The following KRT8 variants were observed in gnomAD, a reference collection of about 807,000 sequenced individuals.
KRT8 encodes keratin, type II cytoskeletal 8.
KRT8 carries 24 observed loss-of-function variants against 43.0 expected under a neutral mutation model. The ratio of observed to expected loss-of-function variants is 0.56; its 90% CI spans 0.40 to 0.78. The LOEUF (loss-of-function observed/expected upper bound fraction) is 0.78, where lower values mean the gene tolerates loss of function less well. Among genes scored for constraint, KRT8 ranks in the 30% least tolerant of loss-of-function variants. The pLI is 0.00. For missense variants in KRT8, 492 were observed against 638.4 expected (o/e 0.77, Z 2.47); for synonymous variants, 214 against 261.2 (o/e 0.82, Z 1.74).
upstream of KRT8, among the ~76,000 whole-genome samples, chr12:52,911,878 A>G (rs1358815243): frequency 6.6e-6 from 1 of 152,058 alleles, no homozygotes; most frequent in Admixed American, 6.6e-5. Context: ...CAAACAAAAA[A>G]ATTAGCCAAG....
At chr12:52,915,034 T>G (rs1211935336) in intron 2 of KRT8, among the ~76,000 whole-genome samples, 2 of 152,024 alleles carry the variant, frequency 1.3e-5, no homozygotes, top group Non-Finnish European at 2.9e-5. Flanking sequence ...CAAGACCCTG[T>G]GGAGGGGTGA....
At chr12:52,921,999 A>G (rs1049544669) in intron 2 of KRT8, among the ~76,000 whole-genome samples, 1 of 151,186 alleles carries the variant, frequency 6.6e-6, no homozygotes, top group South Asian at 2.1e-4. Context: ...GACCCTGTCT[A>G]TACCCCTCTC....
intron 2 of KRT8, among the ~76,000 whole-genome samples, chr12:52,946,442 C>T (rs971742731): frequency 6.6e-6 from 1 of 152,154 alleles, no homozygotes; most frequent in Non-Finnish European, 1.5e-5. Context: ...AATTTACACT[C>T]ACATTCACTG....
chr12:52,908,480 G>T (rs1379280045), upstream of KRT8, among the ~76,000 whole-genome samples: 5 of 152,180 alleles, frequency 3.3e-5, no homozygotes, highest in Non-Finnish European at 7.3e-5. Flanking sequence ...ACAATTAAAA[G>T]GAATGAACTA....
chr12:52,906,248 T>G (rs1941515460), upstream of KRT8, among the ~76,000 whole-genome samples: 2 of 150,838 alleles, frequency 1.3e-5, no homozygotes, highest in African/African-American at 4.9e-5. Context: ...ACGCAGGGGT[T>G]GGGGGGGGCA....
intron 2 of KRT8, among the ~76,000 whole-genome samples, chr12:52,935,176 T>C (rs1335453441): frequency 6.8e-6 from 1 of 146,202 alleles, no homozygotes; most frequent in African/African-American, 2.5e-5. Context: ...AGGTTAGGAG[T>C]TCGAGACCAG....
chr12:52,905,212 G>C, upstream of KRT8: 1 of 678,260 alleles, frequency 1.5e-6, no homozygotes, highest in Non-Finnish European at 2.3e-6. Flanking sequence ...GGGCAGCAGA[G>C]AGCTGCCGCC....
intron 2 of KRT8, among the ~76,000 whole-genome samples, chr12:52,921,286 A>G (rs966864894): frequency 6.6e-6 from 1 of 152,180 alleles, no homozygotes; most frequent in Non-Finnish European, 1.5e-5. Flanking sequence ...CATCCAGGGA[A>G]CATTAAGAGA....
chr12:52,904,169 C>T (rs1026817168), intron 1 of KRT8, among the ~76,000 whole-genome samples: 1 of 152,026 alleles, frequency 6.6e-6, no homozygotes, highest in Non-Finnish European at 1.5e-5. Flanking sequence ...AAAGGCACCA[C>T]TGGGGAGCCC....
intron 2 of KRT8, among the ~76,000 whole-genome samples, chr12:52,929,206 T>TC (rs1352113968): frequency 1.0e-5 from 1 of 100,326 alleles, no homozygotes; most frequent in South Asian, 3.1e-4. Context: ...TTTTTTTTTT[T>TC]CCAGATTCTC....
chr12:52,926,332 G>GGCCCCCCCCCCCCCCCCC, intron 2 of KRT8: 1 of 600,274 alleles, frequency 1.7e-6, no homozygotes, highest in Non-Finnish European at 3.0e-6. Flanking sequence ...GGCACTAGCT[G>GGCCCCCCCCCCCCCCCCC]CCCTCCCCAC....
At chr12:52,907,849 G>A (rs932791149), upstream of KRT8, among the ~76,000 whole-genome samples, 1 of 152,222 alleles carries the variant, frequency 6.6e-6, no homozygotes, top group Admixed American at 6.5e-5. Flanking sequence ...GAAGGAGAAG[G>A]CCCCTGGGAC....
rs781550561 is a variant in KRT8, at chr12:52,902,078, C to T, written c.325-6G>A. 1.1e-5 allele frequency: 18 copies of T among 1,592,114 alleles called. No homozygotes were observed. The highest frequency in any genetic ancestry group is 6.7e-5 in the East Asian group (3 of 44,860). On this transcript the variant is annotated splice_region_variant and splice_polypyrimidine_tract_variant and intron_variant, in intron 1 of 7. Coordinates refer to ENST00000692008, the Ensembl canonical transcript of KRT8. ...TGCTGCTCCAGGAACCGTACCTATA[C>T]GAAGGAGGAGAGAGCAAAAAGGTCT...
At chr12:52,927,806 C>T (rs1384574446) in intron 2 of KRT8, among the ~76,000 whole-genome samples, 1 of 152,200 alleles carries the variant, frequency 6.6e-6, no homozygotes, top group Non-Finnish European at 1.5e-5. Context: ...CAGCCAGGCG[C>T]GATGGCTCAC....
chr12:52,910,740 G>T (rs956362435), upstream of KRT8, among the ~76,000 whole-genome samples: 8 of 152,166 alleles, frequency 5.3e-5, no homozygotes, highest in African/African-American at 1.9e-4. Context: ...CTGGGGCTCC[G>T]CTATAGGCAT....
intron 2 of KRT8, among the ~76,000 whole-genome samples, chr12:52,924,370 A>G (rs1384775756): frequency 6.6e-6 from 1 of 150,378 alleles, no homozygotes; most frequent in Admixed American, 6.7e-5. Context: ...AATGGCATGA[A>G]CCCGGGAGGC....
chr12:52,919,271 T>G (rs559266660), intron 2 of KRT8, among the ~76,000 whole-genome samples: 1 of 152,154 alleles, frequency 6.6e-6, no homozygotes, highest in East Asian at 1.9e-4. Context: ...TTTTTTGTTT[T>G]TTTGTTTTTG....
intron 1 of KRT8, among the ~76,000 whole-genome samples, chr12:52,903,810 C>G (rs4919703): frequency 0.62 from 91,853 of 148,662 alleles, 28,639 homozygotes; most frequent in South Asian, 0.73. Flanking sequence ...TTGAATCCTG[C>G]ATGGGCTTTC....
chr12:52,922,184 T>TAAAAAA (rs57023136), intron 2 of KRT8, among the ~76,000 whole-genome samples: 5 of 38,674 alleles, frequency 1.3e-4, no homozygotes, highest in Non-Finnish European at 2.2e-4. Flanking sequence ...ACCCTGTCTC[T>TAAAAAA]AAAAAAAAAA....
Sources: gnomAD v4.1 joint callset for allele counts (sites outside exome capture counted in the v4.1 genomes callset) on GRCh38, gnomAD v4.1.1 for gene constraint, MANE v1.5 for transcripts, NCBI Gene and HGNC (gene_info 2026-07-23, HGNC 2026-07-21) for gene names.